MECOM: variants seen among roughly 807,000 people sequenced by gnomAD.
MECOM encodes MDS1 and EVI1 complex locus.
Under a neutral mutation model 116.3 loss-of-function variants are expected in MECOM, and 13 were observed. The ratio of observed to expected loss-of-function variants is 0.11; its 90% CI spans 0.07 to 0.18. The LOEUF (loss-of-function observed/expected upper bound fraction) is 0.18. MECOM is among the 10% of genes least tolerant of loss of function. The pLI is 1.00. For synonymous variants in MECOM, 528 were observed against 535.2 expected (o/e 0.99, Z 0.19); for missense variants, 1,299 against 1,509.0 (o/e 0.86, Z 2.31).
chr3:169,584,623 G>C (rs962312094), intron 1 of MECOM, among the ~76,000 whole-genome samples: 1 of 151,802 alleles, frequency 6.6e-6, no homozygotes, highest in Non-Finnish European at 1.5e-5. Context: ...GAAAGTCTGG[G>C]AAGGCTCAAA....
chr3:169,368,025 T>C (rs1729475884), intron 2 of MECOM, among the ~76,000 whole-genome samples: 1 of 152,084 alleles, frequency 6.6e-6, no homozygotes, highest in Non-Finnish European at 1.5e-5. Context: ...TTGTGCTTTA[T>C]GAACATCTTA....
At chr3:169,226,358 T>C (rs1752726505) in intron 2 of MECOM, among the ~76,000 whole-genome samples, 1 of 152,222 alleles carries the variant, frequency 6.6e-6, no homozygotes, top group African/African-American at 2.4e-5. Context: ...TTTTTCTAAC[T>C]ATTATAGAGA....
intron 2 of MECOM, among the ~76,000 whole-genome samples, chr3:169,245,999 G>C (rs1039571443): frequency 8.5e-5 from 13 of 152,078 alleles, no homozygotes; most frequent in African/African-American, 3.1e-4. Flanking sequence ...TTTCTCTTTA[G>C]AGTTAATGGG....
At chr3:169,643,739 T>C (rs1283507237) in intron 1 of MECOM, among the ~76,000 whole-genome samples, 3 of 152,232 alleles carry the variant, frequency 2.0e-5, no homozygotes. Context: ...GTTCAGAATA[T>C]TGGGTCTAAC....
chr3:169,630,783 T>C (rs1181264056), intron 1 of MECOM, among the ~76,000 whole-genome samples: 1 of 152,202 alleles, frequency 6.6e-6, no homozygotes. Flanking sequence ...CAGCAGCATT[T>C]TGAATCTTTC....
intron 2 of MECOM, among the ~76,000 whole-genome samples, chr3:169,235,162 C>G (rs1054698250): frequency 1.3e-5 from 2 of 152,102 alleles, no homozygotes; most frequent in African/African-American, 4.8e-5. Flanking sequence ...CCACTGACTT[C>G]TATTATCATC....
chr3:169,487,806 G>C (rs1190250497), intron 1 of MECOM, among the ~76,000 whole-genome samples: 1 of 151,260 alleles, frequency 6.6e-6, no homozygotes. Context: ...GGGTCGGGGT[G>C]GGGGGACTCA....
chr3:169,342,277 A>G (rs1371310576), intron 2 of MECOM, among the ~76,000 whole-genome samples: 1 of 151,968 alleles, frequency 6.6e-6, no homozygotes, highest in African/African-American at 2.4e-5. Flanking sequence ...AATTTTATTT[A>G]TATATAAAAT....
chr3:169,139,272 C>G (rs944947094), intron 3 of MECOM, among the ~76,000 whole-genome samples: 1 of 152,044 alleles, frequency 6.6e-6, no homozygotes, highest in South Asian at 2.1e-4. Context: ...TTACTAAATA[C>G]CAGCTGTCAA....
chr3:169,293,092 G>A (rs977199572), intron 2 of MECOM, among the ~76,000 whole-genome samples: 2 of 152,152 alleles, frequency 1.3e-5, no homozygotes, highest in Non-Finnish European at 1.5e-5. Context: ...GCTGACATTT[G>A]TCTTTTAAAT....
chr3:169,203,135 T>C (rs945312453), intron 2 of MECOM, among the ~76,000 whole-genome samples: 12 of 152,150 alleles, frequency 7.9e-5, no homozygotes, highest in African/African-American at 2.2e-4. Context: ...GTTGGCGCCA[T>C]TGATTAAAAC....
intron 1 of MECOM, among the ~76,000 whole-genome samples, chr3:169,488,372 CAAA>C (rs758493062): frequency 0.036 from 2,220 of 62,348 alleles, 23 homozygotes; most frequent in Non-Finnish European, 0.057. Context: ...ACTAAAAATA[CAAA>C]AAAAAAAAAA....
At chr3:169,595,373 T>C (rs1192244505) in intron 1 of MECOM, among the ~76,000 whole-genome samples, 2 of 152,206 alleles carry the variant, frequency 1.3e-5, no homozygotes, top group Non-Finnish European at 1.5e-5. Flanking sequence ...TTAAAGCTGT[T>C]AGTTTTCCTA....
chr3:169,146,386 C>T lies in MECOM; in HGVS notation c.376-2554G>A. ...TTTTGGCAACCGCACCTTGTGCGTC[C>T]CCGAAACCGACGGACAGAGACACAC... On this transcript the variant is annotated intron_variant, in intron 2 of 16. Transcript: ENST00000651503. The T allele has an allele frequency of 5.0e-6, 7 of 1,388,406 alleles. No individual in the cohort carries two copies. In the South Asian group the frequency reaches 8.0e-5, roughly 16 times the overall value. The allele number at this position is 1,388,406 out of a possible 1,614,324, so 86.0% of individuals were successfully genotyped here. A position where few individuals can be genotyped will look rare whatever the true frequency, so the allele number is the denominator to read the frequency against.
At chr3:169,474,586 C>G (rs1750058612) in intron 1 of MECOM, among the ~76,000 whole-genome samples, 1 of 152,064 alleles carries the variant, frequency 6.6e-6, no homozygotes, top group South Asian at 2.1e-4. Flanking sequence ...TTCCCTAATG[C>G]TAAAAACTCT....
At chr3:169,260,844 T>C (rs993020587) in intron 2 of MECOM, among the ~76,000 whole-genome samples, 1 of 152,240 alleles carries the variant, frequency 6.6e-6, no homozygotes, top group African/African-American at 2.4e-5. Flanking sequence ...TAGTTGTCAC[T>C]TGTCAATGAA....
intron 1 of MECOM, among the ~76,000 whole-genome samples, chr3:169,571,982 T>G (rs1023166170): frequency 6.6e-6 from 1 of 152,136 alleles, no homozygotes; most frequent in Admixed American, 6.5e-5. Flanking sequence ...AAGCCAAAAT[T>G]GATAAATAGG....
intron 1 of MECOM, among the ~76,000 whole-genome samples, chr3:169,561,129 CATAAT>C (rs1483398935): frequency 6.6e-6 from 1 of 151,518 alleles, no homozygotes; most frequent in African/African-American, 2.4e-5. Flanking sequence ...AATTCCATGT[CATAAT>C]ATTAACAAAA....
chr3:169,457,983 C>T (rs377760945), intron 1 of MECOM, among the ~76,000 whole-genome samples: 5 of 152,230 alleles, frequency 3.3e-5, no homozygotes, highest in Admixed American at 6.5e-5. Flanking sequence ...TAAGCAAATC[C>T]CAAGCTGCGC....
Sources: gnomAD v4.1 joint callset for allele counts (sites outside exome capture counted in the v4.1 genomes callset) on GRCh38, gnomAD v4.1.1 for gene constraint, MANE v1.5 for transcripts, NCBI Gene and HGNC (gene_info 2026-07-23, HGNC 2026-07-21) for gene names.